Variants in HFM1 observed in about 807,000 individuals in gnomAD.
HFM1 encodes the protein probable ATP-dependent DNA helicase HFM1.
HFM1 carries 169 observed loss-of-function variants against 192.1 expected under a neutral mutation model. The ratio of observed to expected loss-of-function variants is 0.88; its 90% CI spans 0.78 to 1.00. The LOEUF is 1.00. Ranked by LOEUF, HFM1 falls within the 50% of genes least tolerant of loss-of-function variation. The probability of loss-of-function intolerance (pLI) is 0.00; values close to 1 mark genes in which losing one functional copy is unlikely to be tolerated. For synonymous variants in HFM1, 525 were observed against 537.8 expected (o/e 0.98, Z 0.33); for missense variants, 1,661 against 1,668.0 (o/e 1.00, Z 0.07).
intron 30 of HFM1, among the ~76,000 whole-genome samples, chr1:91,289,790 A>C (rs1371860102): frequency 6.6e-6 from 1 of 152,184 alleles, no homozygotes; most frequent in African/African-American, 2.4e-5. Context: ...GGGAGGTTGC[A>C]GTGAGCCGAG....
intron 34 of HFM1, among the ~76,000 whole-genome samples, chr1:91,272,520 C>T (rs1239733475): frequency 6.6e-6 from 1 of 151,826 alleles, no homozygotes; most frequent in Non-Finnish European, 1.5e-5. Flanking sequence ...AAATATAACA[C>T]AAAAGTAAGC....
At chr1:91,377,440 A>G (rs1661036668) in intron 11 of HFM1, 1 of 152,002 alleles carries the variant, frequency 6.6e-6, no homozygotes, top group East Asian at 1.9e-4. Context: ...GAGTGAGACT[A>G]TTATTTTTCA....
intron 30 of HFM1, among the ~76,000 whole-genome samples, chr1:91,290,932 A>G (rs1343802450): frequency 6.6e-6 from 1 of 152,252 alleles, no homozygotes; most frequent in Non-Finnish European, 1.5e-5. Flanking sequence ...GAAATTGAAC[A>G]ACCTGCTCCT....
Position 91,379,209 on chromosome 1 carries a change from G to A in HFM1, c.1012C>T (p.Pro338Ser). The stretch of plus-strand genomic sequence containing the variant: ...CGCTGACTGCACAAGGCTTTTATTG[G>A]TGCCACTGTAACAATATAAAATATT... ...WLNIKIVYMA[P>S]IKALCSQRFD... Residue 338 changes from proline (P) to serine (S), a missense_variant, in exon 9 of 39, where the codon CCA becomes TCA. Physicochemically the swap from Pro to Ser is moderately conservative, Grantham distance 74. Transcript: ENST00000370425. The A allele has an allele frequency of 3.1e-6, 5 of 1,597,286 alleles. No homozygotes were observed. The highest frequency in any genetic ancestry group is 4.3e-6 in the Non-Finnish European group (5 of 1,173,644).
chr1:91,287,599 A>C (rs1668173520), intron 30 of HFM1, among the ~76,000 whole-genome samples: 1 of 152,232 alleles, frequency 6.6e-6, no homozygotes, highest in Admixed American at 6.5e-5. Flanking sequence ...ACTAAAAAGC[A>C]GAGCACCTCT....
chr1:91,289,296 A>G (rs371662296), intron 30 of HFM1, among the ~76,000 whole-genome samples: 21 of 148,642 alleles, frequency 1.4e-4, no homozygotes, highest in Admixed American at 8.7e-4. Context: ...CCCACATCCC[A>G]GACGATGGGC....
chr1:91,400,542 C>T (rs970340898), intron 2 of HFM1, among the ~76,000 whole-genome samples: 87 of 150,910 alleles, frequency 5.8e-4, no homozygotes, highest in African/African-American at 2.0e-3. Context: ...AGTGCAGTGG[C>T]GCCACCTTAG....
chr1:91,359,065 C>T (rs561708763), intron 13 of HFM1, among the ~76,000 whole-genome samples: 2 of 152,196 alleles, frequency 1.3e-5, no homozygotes, highest in South Asian at 4.2e-4. Context: ...GAAAACACCA[C>T]CACCAACAAC....
At chr1:91,330,011 A>T (rs1653572111) in intron 20 of HFM1, among the ~76,000 whole-genome samples, 1 of 152,126 alleles carries the variant, frequency 6.6e-6, no homozygotes, top group South Asian at 2.1e-4. Flanking sequence ...CTGAGAGAAG[A>T]TAGGCAGAGA....
At chr1:91,395,079 G>A (rs1663488999) in intron 3 of HFM1, among the ~76,000 whole-genome samples, 1 of 151,934 alleles carries the variant, frequency 6.6e-6, no homozygotes, top group Non-Finnish European at 1.5e-5. Flanking sequence ...GAATGTGCAT[G>A]AACCTATGAC....
rs1443376631 is a variant in HFM1 at position 91,352,514 on chromosome 1, G to A, written c.1969C>T (p.Arg657Ter). 9 of 1,574,922 alleles carry A rather than the reference G, an allele frequency of 5.7e-6. No homozygotes were observed. The highest frequency in any genetic ancestry group is 2.7e-5 in the African/African-American group (2 of 72,854). Residue 657 changes from arginine (R) to a stop codon, truncating the protein, a stop_gained, in exon 16 of 39, where the codon CGA (arginine) becomes TGA (stop). Transcript: ENST00000370425. LOFTEE classifies it high-confidence loss of function. Reference protein sequence around the residue: ...DILQMIGRAGRPQFDTTATAV... With the variant: ...DILQMIGRAG Reference sequence around the variant, plus strand: ...AAGTTATTGTCACTTACTTGAGGTCGACCAGCTCTACCAATCATCTGTAGA... The same window carrying A: ...AAGTTATTGTCACTTACTTGAGGTCAACCAGCTCTACCAATCATCTGTAGA...
intron 34 of HFM1, among the ~76,000 whole-genome samples, chr1:91,269,233 A>G (rs559434684): frequency 6.6e-6 from 1 of 152,248 alleles, no homozygotes; most frequent in African/African-American, 2.4e-5. Flanking sequence ...ACAGAACCCT[A>G]TAATATAGTA....
At position 91,380,104 on chromosome 1, in the gene HFM1, T is replaced by A; in HGVS notation, c.1006A>T (p.Met336Leu). The change falls in exon 8 of 39, where the codon ATG becomes TTG. Residue 336 changes from methionine (M) to leucine (L), a missense_variant and splice_region_variant. Transcript: ENST00000370425. Reference protein sequence around the residue: ...LPWLNIKIVYMAPIKALCSQR... With the variant: ...LPWLNIKIVYLAPIKALCSQR... ...CATCACTCTTATAATAAATACTTAC[T>A]GTAAACAATTTTAATATTCAACCAT... 7.4e-7 allele frequency: 1 copy of A among 1,349,274 alleles called. No homozygotes were observed. The highest frequency in any genetic ancestry group is 1.0e-6 in the Non-Finnish European group (1 of 982,594). 83.6% of individuals were successfully genotyped at this position (1,349,274 alleles called of 1,614,324 possible). A position where few individuals can be genotyped will look rare whatever the true frequency, so the allele number is the denominator to read the frequency against.
chr1:91,383,606 G>C (rs1004477945), intron 6 of HFM1, among the ~76,000 whole-genome samples: 3 of 152,150 alleles, frequency 2.0e-5, no homozygotes, highest in Non-Finnish European at 2.9e-5. Flanking sequence ...CCCAGGATTA[G>C]AGTTATTGTT....
rs552721523 is a variant in HFM1 at position 91,348,587 on chromosome 1, T to C, written c.2207-1111A>G. 2.0e-5 allele frequency among the ~76,000 whole-genome samples: 3 copies of C among 152,212 alleles called. No homozygotes were observed. In the South Asian group the frequency reaches 6.2e-4, roughly 32 times the overall value. ...ATCAATTGGGGATCATTTAAATAAG[T>C]GATACATAAGTAAATGGAATATTAT... On this transcript the variant is annotated intron_variant, in intron 18 of 38. Transcript: ENST00000370425.
At chr1:91,282,019 T>C (rs1269855489) in intron 30 of HFM1, among the ~76,000 whole-genome samples, 1 of 152,248 alleles carries the variant, frequency 6.6e-6, no homozygotes, top group African/African-American at 2.4e-5. Flanking sequence ...TGTTCTGAAA[T>C]ATTGCAATTA....
chr1:91,372,921 T>C (rs565665189), intron 13 of HFM1, among the ~76,000 whole-genome samples: 2 of 152,184 alleles, frequency 1.3e-5, no homozygotes, highest in Non-Finnish European at 2.9e-5. Flanking sequence ...TCTTGCTCTC[T>C]ACTGTTTCTT....
chr1:91,318,305 T>A (rs935944458), intron 25 of HFM1, among the ~76,000 whole-genome samples: 1 of 152,194 alleles, frequency 6.6e-6, no homozygotes, highest in African/African-American at 2.4e-5. Context: ...GTAGGTCTTC[T>A]TCATAAACAG....
At chr1:91,308,423 T>G (rs1209771019) in intron 30 of HFM1, among the ~76,000 whole-genome samples, 1 of 152,218 alleles carries the variant, frequency 6.6e-6, no homozygotes, top group Non-Finnish European at 1.5e-5. Flanking sequence ...TTCTAGAAAG[T>G]CCATTTAAAT....
Sources: gnomAD v4.1 joint callset for allele counts (sites outside exome capture counted in the v4.1 genomes callset) on GRCh38, gnomAD v4.1.1 for gene constraint, MANE v1.5 for transcripts, NCBI Gene and HGNC (gene_info 2026-07-23, HGNC 2026-07-21) for gene names.